HERPUD2: variants seen among roughly 807,000 people sequenced by gnomAD.
The protein encoded by HERPUD2 is HERPUD family member 2.
HERPUD2 carries 13 observed loss-of-function variants against 49.9 expected under a neutral mutation model. The ratio of observed to expected loss-of-function variants is 0.26; its 90% CI spans 0.17 to 0.41. HERPUD2 has a LOEUF of 0.41. Ranked by LOEUF, HERPUD2 falls within the 10% of genes least tolerant of loss-of-function variation. The probability of loss-of-function intolerance (pLI) is 1.00; values close to 1 mark genes in which losing one functional copy is unlikely to be tolerated. For synonymous variants in HERPUD2, 172 were observed against 171.4 expected, an observed-to-expected ratio of 1.00 and a Z score of -0.03; for missense variants, 449 against 492.2, an observed-to-expected ratio of 0.91 and a Z score of 0.83.
At position 35,694,113 on chromosome 7, in the gene HERPUD2, A is replaced by G; in HGVS notation, c.147+71T>C. ...TGATTCAAGACTGGAGGGGAGAAGC[A>G]GGAAAAAGGAGGGTACACGGCACGA... On this transcript the variant is annotated intron_variant, in intron 2 of 8. Transcript: ENST00000311350. 3 of 1,519,986 alleles carry G rather than the reference A, an allele frequency of 2.0e-6. No individual in the cohort carries two copies. The South Asian group carries it at 3.4e-5, about 17-fold the overall frequency. The allele number at this position is 1,519,986 out of a possible 1,614,324, so 94.2% of individuals were successfully genotyped here.
Position 35,694,294 on chromosome 7 carries a change from T to C in HERPUD2, c.37A>G (p.Ile13Val). The change falls in exon 2 of 9, where the codon ATC (isoleucine) becomes GTC (valine). Residue 13 changes from isoleucine (I) to valine (V), a missense_variant. Coordinates refer to ENST00000311350, the MANE Select transcript of HERPUD2 (RefSeq NM_022373.5). Reference sequence around the variant, plus strand: ...TATTTCTGATTCGGTGCTTTAATGATGAGGGTCACAGGAATCTCCATCCCA... The same window carrying C: ...TATTTCTGATTCGGTGCTTTAATGACGAGGGTCACAGGAATCTCCATCCCA... ...QSGMEIPVTL[I>V]IKAPNQKYSD... 4 of 1,614,146 alleles carry C rather than the reference T, an allele frequency of 2.5e-6. No individual in the cohort carries two copies. Among genetic ancestry groups the C allele is most frequent in the South Asian group, 1.1e-5 (1 of 91,084 alleles).
chr7:35,667,335 T>C, intron 5 of HERPUD2, 99 bp downstream of exon 5: 1 of 1,054,314 alleles, frequency 9.5e-7, no homozygotes, highest in South Asian at 1.7e-5. Flanking sequence ...AAATTTAAAA[T>C]GTACTTTAAT....
intron 5 of HERPUD2, among the ~76,000 whole-genome samples, chr7:35,665,502 C>A (rs1235914435): frequency 2.0e-5 from 3 of 152,204 alleles, no homozygotes; most frequent in Non-Finnish European, 4.4e-5. Flanking sequence ...CCCGATTTTC[C>A]AGGTGCAGTC....
intron 2 of HERPUD2, among the ~76,000 whole-genome samples, chr7:35,688,993 T>G (rs1196493576): frequency 1.3e-5 from 2 of 152,188 alleles, no homozygotes; most frequent in Non-Finnish European, 2.9e-5. Context: ...CTTATTATAA[T>G]GCCTGGTACA....
intron 6 of HERPUD2, among the ~76,000 whole-genome samples, chr7:35,635,994 T>C (rs1261469257): frequency 6.6e-5 from 10 of 152,214 alleles, no homozygotes; most frequent in Admixed American, 3.9e-4. Flanking sequence ...CCAATACTGA[T>C]TTGGAAGAAC....
At chr7:35,639,547 A>G (rs535873381) in intron 5 of HERPUD2, among the ~76,000 whole-genome samples, 8 of 152,354 alleles carry the variant, frequency 5.3e-5, no homozygotes, top group Non-Finnish European at 1.0e-4. Flanking sequence ...GTAGAAAATC[A>G]CATATATCAA....
At chr7:35,666,903 T>C (rs1333663901) in intron 5 of HERPUD2, among the ~76,000 whole-genome samples, 2 of 152,248 alleles carry the variant, frequency 1.3e-5, no homozygotes, top group Non-Finnish European at 2.9e-5. Flanking sequence ...TCTAGCACAG[T>C]TGTTACCAAG....
chr7:35,669,728 C>G (rs1363482781), intron 4 of HERPUD2, among the ~76,000 whole-genome samples: 2 of 152,070 alleles, frequency 1.3e-5, no homozygotes, highest in African/African-American at 4.8e-5. Flanking sequence ...CCTCCCCAAG[C>G]AGGTGGAATG....
In HERPUD2 at chr7:35,678,252, AC is replaced by A. The variant is rs974030489; in HGVS notation, c.148-4975del. Among the ~76,000 whole-genome samples the A allele has an allele frequency of 5.3e-4, 79 of 148,570 alleles. 1 individual carries two copies. Among genetic ancestry groups the A allele is most frequent in the South Asian group, 6.5e-4 (3 of 4,628 alleles). On this transcript the variant is annotated intron_variant, in intron 2 of 8. Transcript: ENST00000311350. Reference sequence around the variant, plus strand: ...ACTTCACATTATTAAAAAAAAAAAAACAAAGTTCCAATTCACATTAGAACTT... The same window carrying A: ...ACTTCACATTATTAAAAAAAAAAAAAAAAGTTCCAATTCACATTAGAACTT...
chr7:35,687,768 C>T (rs940955678), intron 2 of HERPUD2, among the ~76,000 whole-genome samples: 5 of 152,148 alleles, frequency 3.3e-5, no homozygotes, highest in Non-Finnish European at 7.4e-5. Context: ...TATCATACAT[C>T]CTTAACACAT....
At chr7:35,694,089 G>T in intron 2 of HERPUD2, 95 bp downstream of exon 2, 1 of 1,328,224 alleles carries the variant, frequency 7.5e-7, no homozygotes, top group Non-Finnish European at 1.1e-6. Context: ...AGACCTATTT[G>T]ATTCAAGACT....
intron 2 of HERPUD2, among the ~76,000 whole-genome samples, chr7:35,684,398 A>C (rs1785985870): frequency 6.7e-6 from 1 of 150,252 alleles, no homozygotes; most frequent in African/African-American, 2.5e-5. Flanking sequence ...TCAAAAAAGA[A>C]AAAGAAAAAA....
intron 6 of HERPUD2, among the ~76,000 whole-genome samples, chr7:35,637,015 T>C (rs550844138): frequency 1.4e-4 from 22 of 152,044 alleles, no homozygotes; most frequent in African/African-American, 4.8e-4. Flanking sequence ...ATATCTGTAA[T>C]CTCGGCTACT....
chr7:35,647,861 C>A (rs1785083095), intron 5 of HERPUD2, among the ~76,000 whole-genome samples: 1 of 152,150 alleles, frequency 6.6e-6, no homozygotes, highest in Non-Finnish European at 1.5e-5. Context: ...TGAAGTAAGG[C>A]ACATATAGGT....
chr7:35,670,036 C>A (rs1428043246), intron 4 of HERPUD2, among the ~76,000 whole-genome samples, 179 bp downstream of exon 4: 1 of 151,706 alleles, frequency 6.6e-6, no homozygotes, highest in Non-Finnish European at 1.5e-5. Context: ...GATAACACTG[C>A]GTATTAGATC....
At chr7:35,668,619 A>T (rs892223172) in intron 4 of HERPUD2, 1 of 154,754 alleles carries the variant, frequency 6.5e-6, no homozygotes, top group Non-Finnish European at 1.5e-5. Context: ...AAGGTCCAAA[A>T]CTGTCTTTTG....
intron 2 of HERPUD2, among the ~76,000 whole-genome samples, chr7:35,684,639 C>T (rs1279082223): frequency 6.6e-6 from 1 of 152,056 alleles, no homozygotes; most frequent in Non-Finnish European, 1.5e-5. Context: ...GTGAAGTACT[C>T]AGAAATGGAA....
intron 2 of HERPUD2, among the ~76,000 whole-genome samples, chr7:35,682,229 A>C (rs1389322126): frequency 7.7e-6 from 1 of 129,230 alleles, no homozygotes; most frequent in Non-Finnish European, 1.6e-5. Context: ...GTGTGTATAT[A>C]TAGATATATA....
chr7:35,690,568 G>C (rs995829194), intron 2 of HERPUD2, among the ~76,000 whole-genome samples: 1 of 152,206 alleles, frequency 6.6e-6, no homozygotes, highest in African/African-American at 2.4e-5. Context: ...CCAACACTTC[G>C]GGAGGCCGAG....
Sources: allele counts gnomAD v4.1 joint callset (sites outside exome capture counted in the v4.1 genomes callset), GRCh38; gene constraint gnomAD v4.1.1; transcripts MANE v1.5; gene names NCBI Gene and HGNC (gene_info 2026-07-23, HGNC 2026-07-21).